UBXN7: variants seen among roughly 807,000 people sequenced by gnomAD.
The protein encoded by UBXN7 is UBX domain-containing protein 7.
In UBXN7, 9 loss-of-function variants were observed where a neutral mutation model predicts 58.0. That is an observed-to-expected ratio of 0.16 (90% confidence interval 0.09 to 0.27). The LOEUF (loss-of-function observed/expected upper bound fraction) is 0.27, where lower values mean the gene tolerates loss of function less well. Among genes scored for constraint, UBXN7 ranks in the 10% least tolerant of loss-of-function variants. The pLI is 1.00. For synonymous variants in UBXN7, 208 were observed against 205.0 expected, an observed-to-expected ratio of 1.01 and a Z score of -0.12; for missense variants, 328 against 599.6, an observed-to-expected ratio of 0.55 and a Z score of 4.73.
chr3:196,396,299 G>A (rs543502140), intron 3 of UBXN7, among the ~76,000 whole-genome samples: 54 of 151,806 alleles, frequency 3.6e-4, no homozygotes, highest in Middle Eastern at 3.4e-3. Context: ...AGTGATGTGC[G>A]CCTATAGTCC....
intron 4 of UBXN7, among the ~76,000 whole-genome samples, chr3:196,392,789 C>A (rs557105142): frequency 4.0e-5 from 6 of 151,750 alleles, no homozygotes; most frequent in Non-Finnish European, 5.9e-5. Context: ...GGTGACAGAG[C>A]GAGACTCCAT....
intron 8 of UBXN7, among the ~76,000 whole-genome samples, chr3:196,367,501 G>A (rs2108830778): frequency 6.6e-6 from 1 of 152,266 alleles, no homozygotes; most frequent in East Asian, 1.9e-4. Context: ...GGCTGTGGTG[G>A]CATGTACCTG....
intron 5 of UBXN7, among the ~76,000 whole-genome samples, chr3:196,377,593 A>G (rs1303214959): frequency 1.3e-5 from 2 of 152,178 alleles, no homozygotes; most frequent in African/African-American, 2.4e-5. Context: ...GCTTAACTCA[A>G]TTCAGACCAC....
chr3:196,408,427 T>C (rs1377736393), intron 1 of UBXN7, among the ~76,000 whole-genome samples: 1 of 152,210 alleles, frequency 6.6e-6, no homozygotes, highest in Non-Finnish European at 1.5e-5. Context: ...ACTATATGCA[T>C]AAACATGTTC....
At chr3:196,417,616 G>T (rs1730536768) in intron 1 of UBXN7, among the ~76,000 whole-genome samples, 1 of 144,660 alleles carries the variant, frequency 6.9e-6, no homozygotes, top group Admixed American at 7.3e-5. Context: ...TGAATTAAAA[G>T]AATTCAGCTG....
chr3:196,378,586 G>A (rs965406880), intron 5 of UBXN7, among the ~76,000 whole-genome samples: 1 of 152,190 alleles, frequency 6.6e-6, no homozygotes, highest in African/African-American at 2.4e-5. Flanking sequence ...GAGTTTTCCA[G>A]GAAAAGGTTG....
rs756099852 is a variant in UBXN7 at position 196,349,688 on chromosome 3, A to G, written c.*6997T>C. 6.6e-5 allele frequency: 10 copies of G among 152,194 alleles called. No homozygotes were observed. Among genetic ancestry groups the G allele is most frequent in the Non-Finnish European group, 1.3e-4 (9 of 68,032 alleles). The allele number at this position is 152,194 out of a possible 1,614,324, so 9.4% of individuals were successfully genotyped here. ...GTTCCAGATCAAGAATCTCTCCCTT[A>G]TCAGTTAAGAGTTCCATACTGAGTC... On this transcript the variant is annotated 3_prime_UTR_variant, in exon 11 of 11. Coordinates refer to ENST00000296328, the MANE Select transcript of UBXN7 (RefSeq NM_015562.2).
chr3:196,408,593 T>C (rs1443246873), intron 1 of UBXN7, among the ~76,000 whole-genome samples: 1 of 152,178 alleles, frequency 6.6e-6, no homozygotes, highest in Non-Finnish European at 1.5e-5. Context: ...TTATGTCCCT[T>C]AGAATCTCCT....
At chr3:196,408,097 C>CA (rs71621241) in intron 1 of UBXN7, among the ~76,000 whole-genome samples, 5,791 of 43,406 alleles carry the variant, frequency 0.13, 460 homozygotes, top group African/African-American at 0.15. Flanking sequence ...GACTCTGTCT[C>CA]AAAAAAAAAA....
chr3:196,407,132 G>A (rs149760137), intron 2 of UBXN7, 114 bp downstream of exon 2: 6 of 1,426,396 alleles, frequency 4.2e-6, no homozygotes, highest in Non-Finnish European at 5.6e-6. Flanking sequence ...CTTTTTCAGA[G>A]GCTTTCAGCC....
At position 196,376,371 on chromosome 3, in the gene UBXN7, C is replaced by A. The variant is rs552590947; in HGVS notation, c.469-4329G>T. Among the ~76,000 whole-genome samples the A allele has an allele frequency of 7.9e-5, 12 of 151,500 alleles. No individual in the cohort carries two copies. The East Asian group carries it at 2.3e-3, about 29-fold the overall frequency. ...CAGCTTGACCAATATGGTGGTGAAA[C>A]CTCGTCTCTACTAAAATTTAAAAAA... On this transcript the variant is annotated intron_variant, in intron 5 of 10. Coordinates refer to ENST00000296328, the MANE Select transcript of UBXN7 (RefSeq NM_015562.2).
At chr3:196,423,338 C>T (rs529134799) in intron 1 of UBXN7, 17 of 163,244 alleles carry the variant, frequency 1.0e-4, no homozygotes, top group Middle Eastern at 2.9e-3. Context: ...GGCAACAAGC[C>T]CTCCAACAAG....
chr3:196,424,702 CCT>C (rs1491191001), intron 1 of UBXN7, among the ~76,000 whole-genome samples: 2 of 131,532 alleles, frequency 1.5e-5, no homozygotes, highest in Non-Finnish European at 3.2e-5. Context: ...ATTTTTATAA[CCT>C]TTTTTTTTTT....
chr3:196,432,374 G>C lies in UBXN7; in HGVS notation c.26C>G (p.Ala9Gly). MAAHGGSA[A>G]SSALKGLIQQ... ...AATTAACCCCTTCAGCGCCGAGGAC[G>C]CCGCGGAGCCCCCGTGGGCAGCCAT... Residue 9 changes from alanine (A) to glycine (G), a missense_variant, in exon 1 of 11, where the codon GCG becomes GGG. Ala to Gly is a moderately conservative substitution (Grantham distance 60, BLOSUM62 0). Transcript: ENST00000296328. The C allele has an allele frequency of 6.3e-7, 1 of 1,595,690 alleles. No homozygotes were observed. Among genetic ancestry groups the C allele is most frequent in the Non-Finnish European group, 8.6e-7 (1 of 1,166,974 alleles).
chr3:196,391,978 GAAA>G lies in UBXN7; in HGVS notation c.356-56_356-54del, dbSNP rs11335716. 6.9e-3 allele frequency: 1,342 copies of G among 193,260 alleles called. 2 individuals carry two copies. Among genetic ancestry groups the G allele is most frequent in the East Asian group, 0.018 (157 of 8,752 alleles). 12.0% of individuals were successfully genotyped at this position (193,260 alleles called of 1,614,324 possible). ...GTTAGCCATAATCATGAATCACACT[GAAA>G]AAAAAAAAAAAAAAAACACAAACTT... On this transcript the variant is annotated intron_variant, in intron 4 of 10. Coordinates refer to ENST00000296328, the MANE Select transcript of UBXN7 (RefSeq NM_015562.2).
Position 196,375,725 on chromosome 3 carries a change from A to G in UBXN7, c.469-3683T>C, listed in dbSNP as rs1170489921. On this transcript the variant is annotated intron_variant, in intron 5 of 10. Coordinates refer to ENST00000296328, the MANE Select transcript of UBXN7 (RefSeq NM_015562.2). Reference sequence around the variant, plus strand: ...TGTCCCAGTACCAGCCAGATCAGGAAGGCATGATAAAAAAGGATTTAGGCC... The same window carrying G: ...TGTCCCAGTACCAGCCAGATCAGGAGGGCATGATAAAAAAGGATTTAGGCC... Among the ~76,000 whole-genome samples, 6 of 152,210 alleles carry G rather than the reference A, an allele frequency of 3.9e-5. No individual in the cohort carries two copies. The East Asian group carries it at 9.6e-4, about 24-fold the overall frequency.
intron 1 of UBXN7, among the ~76,000 whole-genome samples, chr3:196,423,959 G>C (rs1730768371): frequency 1.4e-5 from 2 of 143,894 alleles, no homozygotes; most frequent in African/African-American, 5.2e-5. Flanking sequence ...GCAAGATCTT[G>C]GCTCTCTGCA....
rs1287652090 is a variant in UBXN7, at chr3:196,362,236, C to T, written c.1228+58G>A. 1.7e-5 allele frequency: 26 copies of T among 1,528,232 alleles called. No individual in the cohort carries two copies. The South Asian group carries it at 3.2e-4, about 19-fold the overall frequency. The allele number at this position is 1,528,232 out of a possible 1,614,324, so 94.7% of individuals were successfully genotyped here. On this transcript the variant is annotated intron_variant, in intron 9 of 10. Transcript: ENST00000296328. ...CTTGGAACTCCTAACCTCAGTGATC[C>T]ACCACGCCCGGCCCCAATATCTAAG...
chr3:196,403,800 A>T (rs922352325), intron 2 of UBXN7, among the ~76,000 whole-genome samples: 5 of 152,288 alleles, frequency 3.3e-5, no homozygotes, highest in Non-Finnish European at 7.4e-5. Context: ...TACTAAAAAG[A>T]TCCTAATATA....
Sources: allele counts gnomAD v4.1 joint callset (sites outside exome capture counted in the v4.1 genomes callset), GRCh38; gene constraint gnomAD v4.1.1; transcripts MANE v1.5; gene names NCBI Gene and HGNC (gene_info 2026-07-23, HGNC 2026-07-21).